Variants in CSMD1 observed in about 807,000 individuals in gnomAD.
The protein encoded by CSMD1 is CUB and sushi domain-containing protein 1.
Under a neutral mutation model 417.5 loss-of-function variants are expected in CSMD1, and 213 were observed. The ratio of observed to expected loss-of-function variants is 0.51; its 90% CI spans 0.46 to 0.57. The LOEUF is 0.57. Among genes scored for constraint, CSMD1 ranks in the 20% least tolerant of loss-of-function variants. CSMD1 has a pLI of 0.00. For missense variants in CSMD1, 6,923 were observed against 4,529.7 expected (o/e 1.53, Z -15.17); for synonymous variants, 2,862 against 1,736.8 (o/e 1.65, Z -16.11).
intron 10 of CSMD1, among the ~76,000 whole-genome samples, chr8:3,563,973 C>G (rs1329996152): frequency 1.3e-5 from 2 of 152,120 alleles, no homozygotes; most frequent in African/African-American, 4.8e-5. Context: ...TGGGTACATT[C>G]TGAGTATACG....
At chr8:4,068,722 A>G (rs954342508) in intron 3 of CSMD1, among the ~76,000 whole-genome samples, 7 of 152,156 alleles carry the variant, frequency 4.6e-5, no homozygotes, top group African/African-American at 1.4e-4. Context: ...AAAAGAAATA[A>G]CTATGCCTGC....
Position 3,090,298 on chromosome 8 carries a change from C to T in CSMD1, c.7285+1218G>A, listed in dbSNP as rs1814850314. Among the ~76,000 whole-genome samples the T allele has an allele frequency of 3.6e-5, 4 of 110,770 alleles. No homozygotes were observed. The Admixed American group carries it at 5.8e-4, about 16-fold the overall frequency. The allele number at this position is 110,770 out of a possible 152,430, so 72.7% of individuals were successfully genotyped here. A position where few individuals can be genotyped will look rare whatever the true frequency, so the allele number is the denominator to read the frequency against. On this transcript the variant is annotated intron_variant, in intron 48 of 69. Transcript: ENST00000635120. The stretch of plus-strand genomic sequence containing the variant: ...CACCACTGCACTCCAGCCTGGGCAA[C>T]AGAGCCAGACTGTATTTCAAAAAAA...
intron 3 of CSMD1, among the ~76,000 whole-genome samples, chr8:4,367,653 G>C (rs932411028): frequency 5.9e-5 from 9 of 152,162 alleles, no homozygotes; most frequent in East Asian, 1.9e-4. Flanking sequence ...GCTTTGGGTG[G>C]TATGATGATT....
intron 3 of CSMD1, among the ~76,000 whole-genome samples, chr8:4,044,646 ACGTGTACCACCCTGGG>A (rs992213836): frequency 3.2e-5 from 4 of 123,628 alleles, no homozygotes; most frequent in East Asian, 4.6e-4. Context: ...CGCACCCTGT[ACGTGTACCACCCTGGG>A]CGTGTACCAC....
intron 3 of CSMD1, among the ~76,000 whole-genome samples, chr8:4,212,121 TAGG>T (rs1416955385): frequency 2.0e-5 from 3 of 151,762 alleles, no homozygotes; most frequent in Admixed American, 6.6e-5. Context: ...AAAGACCATG[TAGG>T]AGAAGAAGTG....
chr8:3,668,103 G>A (rs549843697), intron 7 of CSMD1, among the ~76,000 whole-genome samples: 1 of 152,212 alleles, frequency 6.6e-6, no homozygotes, highest in Admixed American at 6.5e-5. Flanking sequence ...GGGCTAGAAG[G>A]CAATGGGGAG....
At chr8:4,716,747 C>G (rs969712685) in intron 1 of CSMD1, among the ~76,000 whole-genome samples, 4 of 152,100 alleles carry the variant, frequency 2.6e-5, no homozygotes, top group African/African-American at 7.2e-5. Context: ...TAACTAAAAA[C>G]TGAGGTCTAA....
chr8:4,618,981 AAT>A (rs1206053180), intron 2 of CSMD1, among the ~76,000 whole-genome samples: 1 of 152,212 alleles, frequency 6.6e-6, no homozygotes, highest in African/African-American at 2.4e-5. Flanking sequence ...AAGCTTCAGT[AAT>A]ACCAGAAGGA....
intron 1 of CSMD1, among the ~76,000 whole-genome samples, chr8:4,921,535 T>A (rs1010837792): frequency 6.6e-6 from 1 of 152,186 alleles, no homozygotes; most frequent in Non-Finnish European, 1.5e-5. Flanking sequence ...GTTGGTAAAA[T>A]GGCACTTTAA....
At chr8:4,134,960 T>C (rs1307316267) in intron 3 of CSMD1, among the ~76,000 whole-genome samples, 3 of 152,206 alleles carry the variant, frequency 2.0e-5, no homozygotes, top group Non-Finnish European at 4.4e-5. Context: ...ATCTGTTGTA[T>C]ACTAGGCAGG....
chr8:4,700,313 G>A (rs749029534), intron 1 of CSMD1, among the ~76,000 whole-genome samples: 1 of 151,642 alleles, frequency 6.6e-6, no homozygotes, highest in African/African-American at 2.4e-5. Context: ...ATGTTTTAAA[G>A]GATTATTTTA....
intron 7 of CSMD1, among the ~76,000 whole-genome samples, chr8:3,697,566 C>G (rs146466829): frequency 1.3e-5 from 2 of 152,038 alleles, no homozygotes; most frequent in African/African-American, 2.4e-5. Context: ...AAGACTTGCT[C>G]ATGTAAGATG....
chr8:3,680,616 G>C (rs893500359), intron 7 of CSMD1, among the ~76,000 whole-genome samples: 3 of 152,136 alleles, frequency 2.0e-5, no homozygotes, highest in African/African-American at 7.2e-5. Context: ...GTACAAAGAG[G>C]AGCAGGTACC....
intron 2 of CSMD1, among the ~76,000 whole-genome samples, chr8:4,469,385 G>T (rs1483131555): frequency 6.6e-6 from 1 of 152,162 alleles, no homozygotes; most frequent in Non-Finnish European, 1.5e-5. Context: ...GTGCAAAACG[G>T]CTGGTGTCAG....
intron 7 of CSMD1, among the ~76,000 whole-genome samples, chr8:3,671,095 T>TAC (rs1446336377): frequency 1.1e-4 from 16 of 145,744 alleles, no homozygotes; most frequent in East Asian, 2.0e-4. Context: ...AAGGGATATA[T>TAC]ATGTATGGGA....
At chr8:3,394,271 C>T (rs1343029416) in intron 17 of CSMD1, among the ~76,000 whole-genome samples, 1 of 146,174 alleles carries the variant, frequency 6.8e-6, no homozygotes, top group East Asian at 2.0e-4. Context: ...ATGTGTATTC[C>T]ATATTTTATA....
chr8:4,746,318 T>C (rs1358680338), intron 1 of CSMD1, among the ~76,000 whole-genome samples: 2 of 152,198 alleles, frequency 1.3e-5, no homozygotes, highest in Admixed American at 1.3e-4. Flanking sequence ...TCACTCAGAA[T>C]AGCGACTGTA....
chr8:4,178,872 G>C (rs1218876914), intron 3 of CSMD1, among the ~76,000 whole-genome samples: 1 of 152,094 alleles, frequency 6.6e-6, no homozygotes, highest in Non-Finnish European at 1.5e-5. Context: ...ACTTACAAGG[G>C]ATGAGAAGGA....
intron 10 of CSMD1, among the ~76,000 whole-genome samples, chr8:3,556,058 G>C (rs979280309): frequency 6.6e-6 from 1 of 152,032 alleles, no homozygotes; most frequent in Non-Finnish European, 1.5e-5. Flanking sequence ...TTTCGCTCTA[G>C]ATGTTCTTAA....
Sources: gnomAD v4.1 joint callset for allele counts (sites outside exome capture counted in the v4.1 genomes callset) on GRCh38, gnomAD v4.1.1 for gene constraint, MANE v1.5 for transcripts, NCBI Gene and HGNC (gene_info 2026-07-23, HGNC 2026-07-21) for gene names.